Variants in RP1 observed in about 807,000 individuals in gnomAD.
RP1 encodes the protein RP1 axonemal microtubule associated, also known as oxygen-regulated protein 1.
RP1 carries 16 observed loss-of-function variants against 14.8 expected under a neutral mutation model. The ratio of observed to expected loss-of-function variants is 1.08; its 90% CI spans 0.73 to 1.65. The LOEUF is 1.65. Ranked by LOEUF, RP1 falls within the 40% of genes most tolerant of loss-of-function variation. The pLI is 0.00. For missense variants in RP1, 2,631 were observed against 2,535.0 expected (o/e 1.04, Z -0.81); for synonymous variants, 876 against 883.6 (o/e 0.99, Z 0.15).
intron 9 of RP1, chr8:54,679,290 C>T: frequency 1.3e-6 from 1 of 762,000 alleles, no homozygotes; most frequent in East Asian, 2.7e-5. Flanking sequence ...TACTGCTCTG[C>T]CTTTGAGAGC....
intron 24 of RP1, among the ~76,000 whole-genome samples, chr8:54,803,207 C>A (rs79056057): frequency 1.6e-4 from 25 of 152,194 alleles, no homozygotes; most frequent in Middle Eastern, 3.4e-3. Context: ...AATGAATTTT[C>A]GTAGCTACTT....
intron 28 of RP1, among the ~76,000 whole-genome samples, chr8:54,868,964 AG>A (rs1330073957): frequency 6.6e-6 from 1 of 152,184 alleles, no homozygotes; most frequent in Admixed American, 6.5e-5. Flanking sequence ...ATTGCTGTAG[AG>A]AAAAATCAGA....
chr8:54,637,693 A>T (rs551895702), intron 3 of RP1, among the ~76,000 whole-genome samples: 42 of 151,914 alleles, frequency 2.8e-4, no homozygotes, highest in African/African-American at 7.0e-4. Context: ...TGCCAATATA[A>T]TTTTTTTTAT....
chr8:54,779,411 A>T (rs1810127172), intron 23 of RP1, among the ~76,000 whole-genome samples: 1 of 152,170 alleles, frequency 6.6e-6, no homozygotes, highest in Non-Finnish European at 1.5e-5. Context: ...TGCATGTAAG[A>T]GCTTAATTCA....
chr8:54,670,449 A>G (rs953714757), intron 7 of RP1, among the ~76,000 whole-genome samples: 2 of 148,572 alleles, frequency 1.3e-5, no homozygotes, highest in Admixed American at 6.9e-5. Flanking sequence ...ATGGATACAT[A>G]CATATACACG....
At chr8:54,623,380 G>A (rs1805934150) in intron 3 of RP1, among the ~76,000 whole-genome samples, 1 of 151,778 alleles carries the variant, frequency 6.6e-6, no homozygotes, top group African/African-American at 2.4e-5. Flanking sequence ...TCAAAAATAA[G>A]AAAAAATATT....
chr8:54,755,296 AC>A (rs1228184664), intron 20 of RP1, among the ~76,000 whole-genome samples: 1 of 152,156 alleles, frequency 6.6e-6, no homozygotes, highest in Non-Finnish European at 1.5e-5. Context: ...ATGTACAATA[AC>A]AGTCACCTTT....
intron 19 of RP1, among the ~76,000 whole-genome samples, chr8:54,753,561 G>A (rs895788949): frequency 3.9e-5 from 6 of 152,160 alleles, no homozygotes; most frequent in Non-Finnish European, 5.9e-5. Flanking sequence ...GCAGAGCTAC[G>A]AGTGTATGTG....
At chr8:54,599,478 A>G (rs926872614) in intron 1 of RP1, among the ~76,000 whole-genome samples, 7 of 130,318 alleles carry the variant, frequency 5.4e-5, no homozygotes, top group African/African-American at 2.0e-4. Flanking sequence ...TTTTTTTTTG[A>G]GACAGGGTCT....
chr8:54,832,414 C>T (rs1257595252), intron 24 of RP1, among the ~76,000 whole-genome samples: 3 of 150,772 alleles, frequency 2.0e-5, no homozygotes, highest in Non-Finnish European at 4.4e-5. Flanking sequence ...TTATTTTATT[C>T]CATTAATTAT....
intron 25 of RP1, among the ~76,000 whole-genome samples, chr8:54,840,742 T>G (rs1811772780): frequency 6.6e-6 from 1 of 152,090 alleles, no homozygotes; most frequent in Non-Finnish European, 1.5e-5. Flanking sequence ...CCTGCATCTT[T>G]CTGTTCATCC....
intron 25 of RP1, among the ~76,000 whole-genome samples, chr8:54,844,285 TA>T (rs1811862176): frequency 6.6e-6 from 1 of 152,238 alleles, no homozygotes; most frequent in Non-Finnish European, 1.5e-5. Context: ...TTTATTTATG[TA>T]GCTTCAATTT....
At chr8:54,569,349 A>G (rs907456381) in intron 1 of RP1, among the ~76,000 whole-genome samples, 1 of 152,248 alleles carries the variant, frequency 6.6e-6, no homozygotes, top group African/African-American at 2.4e-5. Flanking sequence ...CTATATTAGC[A>G]TGATGCCATT....
At chr8:54,646,899 A>T (rs1243319001) in intron 3 of RP1, among the ~76,000 whole-genome samples, 1 of 152,208 alleles carries the variant, frequency 6.6e-6, no homozygotes, top group Admixed American at 6.5e-5. Context: ...CTAACATACC[A>T]GTCATCCTAC....
chr8:54,571,393 T>G (rs180737875), intron 1 of RP1, among the ~76,000 whole-genome samples: 1 of 152,314 alleles, frequency 6.6e-6, no homozygotes, highest in Non-Finnish European at 1.5e-5. Context: ...TGTGTCCTGG[T>G]GCCTAACATA....
chr8:54,728,658 A>C (rs551767785), intron 17 of RP1, among the ~76,000 whole-genome samples: 2 of 152,312 alleles, frequency 1.3e-5, no homozygotes, highest in African/African-American at 4.8e-5. Context: ...TAGCACATAT[A>C]TGATAAATAG....
chr8:54,812,211 G>T (rs971895171), intron 24 of RP1, among the ~76,000 whole-genome samples: 1 of 152,080 alleles, frequency 6.6e-6, no homozygotes, highest in African/African-American at 2.4e-5. Context: ...TGTGATCTCG[G>T]CCCACTGCAA....
chr8:54,731,635 T>C (rs1226125764), intron 17 of RP1, among the ~76,000 whole-genome samples: 1 of 152,166 alleles, frequency 6.6e-6, no homozygotes, highest in Non-Finnish European at 1.5e-5. Context: ...GAGTGTACCC[T>C]GACAATGTGT....
intron 17 of RP1, among the ~76,000 whole-genome samples, chr8:54,726,823 G>A (rs985865385): frequency 1.2e-4 from 17 of 146,630 alleles, no homozygotes; most frequent in African/African-American, 2.9e-4. Context: ...TCTAAGCAAT[G>A]AAAAAAATAA....
Sources: allele counts gnomAD v4.1 joint callset (sites outside exome capture counted in the v4.1 genomes callset), GRCh38; gene constraint gnomAD v4.1.1; transcripts MANE v1.5; gene names NCBI Gene and HGNC (gene_info 2026-07-23, HGNC 2026-07-21).